The following CPED1 variants were observed in gnomAD, a reference collection of about 807,000 sequenced individuals.
The protein encoded by CPED1 is cadherin-like and PC-esterase domain-containing protein 1.
In CPED1, 114 loss-of-function variants were observed where a neutral mutation model predicts 128.2. That is an observed-to-expected ratio of 0.89 (90% confidence interval 0.76 to 1.04). The LOEUF (loss-of-function observed/expected upper bound fraction) is 1.04, where lower values mean the gene tolerates loss of function less well. CPED1 is among the 50% of genes least tolerant of loss of function. The probability of loss-of-function intolerance (pLI) is 0.00; values close to 1 mark genes in which losing one functional copy is unlikely to be tolerated. For synonymous variants in CPED1, 462 were observed against 426.7 expected, an observed-to-expected ratio of 1.08 and a Z score of -1.02; for missense variants, 1,211 against 1,207.1, an observed-to-expected ratio of 1.00 and a Z score of -0.05.
intron 18 of CPED1, among the ~76,000 whole-genome samples, chr7:121,253,140 T>G (rs1268593341): frequency 2.0e-5 from 3 of 151,678 alleles, no homozygotes; most frequent in African/African-American, 2.4e-5. Context: ...CCATAAAAAA[T>G]GATGAGTTCA....
intron 7 of CPED1, among the ~76,000 whole-genome samples, chr7:121,117,328 T>C (rs1157763628): frequency 6.6e-6 from 1 of 151,830 alleles, no homozygotes; most frequent in Non-Finnish European, 1.5e-5. Context: ...CTTGAACTAA[T>C]GACCTCAGGT....
At chr7:121,050,287 G>A (rs1421787335) in intron 4 of CPED1, 1 of 152,176 alleles carries the variant, frequency 6.6e-6, no homozygotes, top group African/African-American at 2.4e-5. Context: ...GGGCTTCCTT[G>A]CCTTTCTCTC....
At chr7:121,186,260 A>G (rs985216245) in intron 16 of CPED1, among the ~76,000 whole-genome samples, 8 of 152,180 alleles carry the variant, frequency 5.3e-5, no homozygotes, top group African/African-American at 1.9e-4. Context: ...TTCAAATTTT[A>G]CTTCAATACT....
chr7:121,280,426 C>T (rs745586491), intron 22 of CPED1, among the ~76,000 whole-genome samples: 5 of 152,166 alleles, frequency 3.3e-5, no homozygotes, highest in Non-Finnish European at 7.3e-5. Context: ...CCAGAGCCAA[C>T]GCTCAGCGTT....
At chr7:121,118,737 A>G (rs1795313298) in intron 7 of CPED1, among the ~76,000 whole-genome samples, 1 of 152,182 alleles carries the variant, frequency 6.6e-6, no homozygotes, top group Admixed American at 6.5e-5. Context: ...GCATCTGCTC[A>G]GCTTCTGGAG....
chr7:121,210,531 A>C (rs1289660149), intron 16 of CPED1, among the ~76,000 whole-genome samples: 4 of 152,078 alleles, frequency 2.6e-5, no homozygotes, highest in Admixed American at 2.0e-4. Flanking sequence ...GGAAGACATT[A>C]TGCAAAATGA....
chr7:121,074,598 G>A (rs1295648606), intron 5 of CPED1, among the ~76,000 whole-genome samples: 1 of 125,366 alleles, frequency 8.0e-6, no homozygotes, highest in Non-Finnish European at 1.6e-5. Context: ...TTTCTTAATG[G>A]TGTCTGGGAA....
intron 8 of CPED1, among the ~76,000 whole-genome samples, chr7:121,124,766 A>C (rs1450550940): frequency 6.6e-6 from 1 of 152,212 alleles, no homozygotes. Context: ...AACTGTTTCT[A>C]TCATAGATAC....
At chr7:121,002,467 T>C (rs767772166) in intron 2 of CPED1, among the ~76,000 whole-genome samples, 1 of 152,200 alleles carries the variant, frequency 6.6e-6, no homozygotes, top group Non-Finnish European at 1.5e-5. Flanking sequence ...CTTTAAGAAC[T>C]ATCTTTTGTT....
chr7:121,257,231 GA>G (rs993960968), intron 18 of CPED1, among the ~76,000 whole-genome samples: 9 of 151,782 alleles, frequency 5.9e-5, no homozygotes, highest in Non-Finnish European at 1.0e-4. Flanking sequence ...GAAGTTTGGG[GA>G]AAAAAAGACA....
chr7:121,279,868 G>C (rs1211668245), intron 22 of CPED1, among the ~76,000 whole-genome samples: 1 of 152,170 alleles, frequency 6.6e-6, no homozygotes, highest in Admixed American at 6.6e-5. Flanking sequence ...GAAGGGAGGA[G>C]CCCTGAACTT....
rs1234604790 is a variant in CPED1 at position 121,284,183 on chromosome 7, A to G, written c.2869-11257A>G. 3.3e-5 allele frequency among the ~76,000 whole-genome samples: 5 copies of G among 152,292 alleles called. No individual in the cohort carries two copies. The East Asian group carries it at 7.7e-4, about 24-fold the overall frequency. ...AGAGAAGTACAGAGTGAAGTGGGGG[A>G]AAAGTCCCTTATAAAACCATCAGAT... On this transcript the variant is annotated intron_variant, in intron 22 of 22. Transcript: ENST00000310396.
At chr7:121,291,124 G>A (rs1440199860) in intron 22 of CPED1, among the ~76,000 whole-genome samples, 2 of 152,062 alleles carry the variant, frequency 1.3e-5, no homozygotes, top group Admixed American at 1.3e-4. Context: ...GATGTGTGGT[G>A]TCATTTCTGA....
intron 16 of CPED1, among the ~76,000 whole-genome samples, chr7:121,187,166 A>G (rs1797021441): frequency 6.6e-6 from 1 of 152,240 alleles, no homozygotes; most frequent in South Asian, 2.1e-4. Context: ...AAATAATATA[A>G]TAATTACAGA....
chr7:121,057,576 A>C (rs1427672615), intron 4 of CPED1, among the ~76,000 whole-genome samples: 2 of 152,218 alleles, frequency 1.3e-5, no homozygotes, highest in Admixed American at 1.3e-4. Context: ...TAATGGCTTT[A>C]CACTAAATTT....
intron 7 of CPED1, among the ~76,000 whole-genome samples, chr7:121,113,327 T>C (rs1350672912): frequency 6.6e-6 from 1 of 152,164 alleles, no homozygotes; most frequent in East Asian, 1.9e-4. Flanking sequence ...GGGAGAGTTA[T>C]ATATTTATAA....
intron 7 of CPED1, 97 bp from the exon 8 acceptor site, chr7:121,124,234 A>C: frequency 9.0e-7 from 1 of 1,116,376 alleles, no homozygotes; most frequent in East Asian, 2.7e-5. Flanking sequence ...TGACAAGTAG[A>C]GATAACCTAG....
intron 22 of CPED1, among the ~76,000 whole-genome samples, chr7:121,280,235 TA>T (rs1454222006): frequency 6.6e-6 from 1 of 152,154 alleles, no homozygotes; most frequent in African/African-American, 2.4e-5. Flanking sequence ...TCCAATAGTG[TA>T]AAAACTCAGC....
intron 14 of CPED1, 47 bp from the exon 15 acceptor site, chr7:121,140,780 T>C (rs770758965): frequency 4.5e-6 from 6 of 1,323,210 alleles, no homozygotes; most frequent in Non-Finnish European, 3.2e-6. Flanking sequence ...TAAAGATATT[T>C]ACCCACTTCA....
Sources: gnomAD v4.1 joint callset for allele counts (sites outside exome capture counted in the v4.1 genomes callset) on GRCh38, gnomAD v4.1.1 for gene constraint, MANE v1.5 for transcripts, NCBI Gene and HGNC (gene_info 2026-07-23, HGNC 2026-07-21) for gene names.